Variants in PPP1R14C observed in about 807,000 individuals in gnomAD.
The protein encoded by PPP1R14C is protein phosphatase 1 regulatory subunit 14C.
Under a neutral mutation model 20.4 loss-of-function variants are expected in PPP1R14C, and 16 were observed. That is an observed-to-expected ratio of 0.78 (90% CI 0.53 to 1.19). PPP1R14C has a LOEUF of 1.19. Among genes scored for constraint, PPP1R14C ranks in the 50% most tolerant of loss-of-function variants. The probability of loss-of-function intolerance (pLI) is 0.00; values close to 1 mark genes in which losing one functional copy is unlikely to be tolerated. For synonymous variants in PPP1R14C, 91 were observed against 91.0 expected, an observed-to-expected ratio of 1.00 and a Z score of 0.00; for missense variants, 211 against 220.1, an observed-to-expected ratio of 0.96 and a Z score of 0.26.
intron 1 of PPP1R14C, among the ~76,000 whole-genome samples, chr6:150,163,638 T>TG (rs1554217811): frequency 2.0e-5 from 3 of 152,130 alleles, no homozygotes; most frequent in African/African-American, 2.4e-5. Context: ...TGTCTGTTTT[T>TG]TTGTTGTTGT....
chr6:150,145,372 T>C (rs1461168075), intron 1 of PPP1R14C, among the ~76,000 whole-genome samples: 3 of 152,240 alleles, frequency 2.0e-5, no homozygotes, highest in Non-Finnish European at 4.4e-5. Flanking sequence ...TAATTCAAGA[T>C]GCTCTATATG....
chr6:150,164,103 G>C (rs970285459), intron 1 of PPP1R14C, among the ~76,000 whole-genome samples: 1 of 152,106 alleles, frequency 6.6e-6, no homozygotes, highest in African/African-American at 2.4e-5. Context: ...ATTATGGTTC[G>C]AATTTACATT....
intron 1 of PPP1R14C, among the ~76,000 whole-genome samples, chr6:150,174,873 G>A (rs1351385221): frequency 1.3e-5 from 2 of 151,820 alleles, no homozygotes; most frequent in East Asian, 3.9e-4. Flanking sequence ...AGCTGAGACA[G>A]GAGAATTGCT....
intron 1 of PPP1R14C, chr6:150,194,668 A>T: frequency 3.0e-6 from 3 of 985,434 alleles, no homozygotes; most frequent in Non-Finnish European, 3.6e-6. Flanking sequence ...CCTTTAGCAC[A>T]AACAGTTCTG....
At chr6:150,220,254 A>C (rs1161637601) in intron 3 of PPP1R14C, among the ~76,000 whole-genome samples, 1 of 152,172 alleles carries the variant, frequency 6.6e-6, no homozygotes, top group Non-Finnish European at 1.5e-5. Context: ...ATGGCTCCTC[A>C]AAAATGTCAA....
At chr6:150,150,630 G>A (rs1375452561) in intron 1 of PPP1R14C, among the ~76,000 whole-genome samples, 1 of 152,072 alleles carries the variant, frequency 6.6e-6, no homozygotes, top group East Asian at 1.9e-4. Context: ...GGTTTACTTT[G>A]TAGTGCATGC....
intron 1 of PPP1R14C, among the ~76,000 whole-genome samples, chr6:150,156,838 G>A (rs1305940462): frequency 6.6e-6 from 1 of 152,172 alleles, no homozygotes; most frequent in African/African-American, 2.4e-5. Context: ...CATGCGAGAT[G>A]GTTCAGCATT....
chr6:150,182,465 A>G (rs936277930), intron 1 of PPP1R14C, among the ~76,000 whole-genome samples: 1 of 152,142 alleles, frequency 6.6e-6, no homozygotes, highest in Admixed American at 6.5e-5. Context: ...CTCACATGGA[A>G]AGATAGAGAT....
chr6:150,205,030 A>G (rs1048687493), intron 1 of PPP1R14C, among the ~76,000 whole-genome samples: 5 of 143,910 alleles, frequency 3.5e-5, no homozygotes, highest in African/African-American at 1.0e-4. Context: ...TGTCTGGAGC[A>G]CTTTGATAAT....
At chr6:150,221,988 A>G (rs56000249) in intron 3 of PPP1R14C, among the ~76,000 whole-genome samples, 17,903 of 152,036 alleles carry the variant, frequency 0.12, 2,004 homozygotes, top group African/African-American at 0.29. Flanking sequence ...TTGTAGAGAC[A>G]AAGTTTCTCC....
intron 3 of PPP1R14C, among the ~76,000 whole-genome samples, chr6:150,222,765 C>T (rs150816187): frequency 5.2e-4 from 37 of 71,272 alleles, no homozygotes; most frequent in Middle Eastern, 0.022. Flanking sequence ...TTCAAACTGG[C>T]TTTTTTTTTT....
At chr6:150,178,608 A>G (rs751667835) in intron 1 of PPP1R14C, among the ~76,000 whole-genome samples, 146 of 152,342 alleles carry the variant, frequency 9.6e-4, no homozygotes, top group Non-Finnish European at 1.9e-3. Context: ...GCATAGCTCT[A>G]TTTTATTTCT....
chr6:150,208,087 G>T (rs557039826), intron 1 of PPP1R14C, among the ~76,000 whole-genome samples: 2 of 152,246 alleles, frequency 1.3e-5, no homozygotes, highest in African/African-American at 4.8e-5. Context: ...GTTAATGCAC[G>T]CATGAGGGTG....
intron 1 of PPP1R14C, chr6:150,194,429 G>T (rs931898792): frequency 5.8e-5 from 57 of 982,748 alleles, no homozygotes; most frequent in Admixed American, 1.8e-4. Flanking sequence ...TGTACAAAAT[G>T]ATACTGTAAA....
At chr6:150,156,643 T>C (rs1038581867) in intron 1 of PPP1R14C, among the ~76,000 whole-genome samples, 5 of 152,238 alleles carry the variant, frequency 3.3e-5, no homozygotes, top group African/African-American at 1.2e-4. Flanking sequence ...GTTTTTCTCA[T>C]GTTTGTGTTG....
At chr6:150,170,000 G>A (rs919197434) in intron 1 of PPP1R14C, among the ~76,000 whole-genome samples, 1 of 152,174 alleles carries the variant, frequency 6.6e-6, no homozygotes, top group Non-Finnish European at 1.5e-5. Flanking sequence ...TGGGGACTGG[G>A]CTCTGGAGTA....
chr6:150,173,737 G>A (rs2057557), intron 1 of PPP1R14C, among the ~76,000 whole-genome samples: 28,137 of 152,068 alleles, frequency 0.19, 3,019 homozygotes, highest in Admixed American at 0.33. Flanking sequence ...CCAGCGCTAG[G>A]AATGGAGGCC....
chr6:150,209,964 T>C (rs1348358427), intron 1 of PPP1R14C, among the ~76,000 whole-genome samples: 1 of 151,964 alleles, frequency 6.6e-6, no homozygotes, highest in Non-Finnish European at 1.5e-5. Context: ...GGATTGTGTG[T>C]ATTCATGTGT....
chr6:150,248,853 A>G lies in PPP1R14C; in HGVS notation c.*33A>G, dbSNP rs1778525506. On this transcript the variant is annotated 3_prime_UTR_variant, in exon 4 of 4. Transcript: ENST00000361131. ...ACAGGGTGAAACTCTCCCAGAGACG[A>G]AGAAAGAGTCCTGGGATTTGTACTT... The G allele has an allele frequency of 7.0e-7, 1 of 1,422,548 alleles. No individual in the cohort carries two copies. Among genetic ancestry groups the G allele is most frequent in the Non-Finnish European group, 9.9e-7 (1 of 1,009,634 alleles). 88.1% of individuals were successfully genotyped at this position (1,422,548 alleles called of 1,614,324 possible). A position where few individuals can be genotyped will look rare whatever the true frequency, so the allele number is the denominator to read the frequency against.
Sources: allele counts gnomAD v4.1 joint callset (sites outside exome capture counted in the v4.1 genomes callset), GRCh38; gene constraint gnomAD v4.1.1; transcripts MANE v1.5; gene names NCBI Gene and HGNC (gene_info 2026-07-23, HGNC 2026-07-21).